Variants in GUCY1A2 observed in about 807,000 individuals in gnomAD.
The protein encoded by GUCY1A2 is guanylate cyclase 1 soluble subunit alpha 2.
A neutral mutation model predicts 63.5 loss-of-function variants in GUCY1A2; 27 were observed. The observed-to-expected ratio is 0.43, with a 90% CI of 0.31 to 0.59. GUCY1A2 has a LOEUF of 0.59. GUCY1A2 is among the 20% of genes least tolerant of loss of function. The probability of loss-of-function intolerance (pLI) is 0.11; values close to 1 mark genes in which losing one functional copy is unlikely to be tolerated. For missense variants in GUCY1A2, 768 were observed against 913.3 expected (o/e 0.84, Z 2.05); for synonymous variants, 364 against 343.5 (o/e 1.06, Z -0.66).
chr11:106,946,982 G>T (rs1453161120), intron 3 of GUCY1A2, among the ~76,000 whole-genome samples: 1 of 152,092 alleles, frequency 6.6e-6, no homozygotes, highest in Non-Finnish European at 1.5e-5. Flanking sequence ...ACTTTGGGAG[G>T]CCGAGGCGGG....
intron 4 of GUCY1A2, among the ~76,000 whole-genome samples, chr11:106,869,898 C>CAG (rs1859650606): frequency 6.6e-6 from 1 of 152,074 alleles, no homozygotes; most frequent in Non-Finnish European, 1.5e-5. Context: ...AAATGTGGTA[C>CAG]ATATACACCA....
At chr11:106,980,431 A>G (rs918705052) in intron 2 of GUCY1A2, among the ~76,000 whole-genome samples, 2 of 152,146 alleles carry the variant, frequency 1.3e-5, no homozygotes, top group Non-Finnish European at 2.9e-5. Flanking sequence ...GAAATTTTCC[A>G]TTTTCCATTT....
At chr11:106,857,668 C>A (rs1228169767) in intron 4 of GUCY1A2, among the ~76,000 whole-genome samples, 2 of 152,172 alleles carry the variant, frequency 1.3e-5, no homozygotes, top group Non-Finnish European at 2.9e-5. Context: ...TGGATTCAAC[C>A]AATTGTGAAT....
At chr11:106,929,254 G>A (rs1233100729) in intron 4 of GUCY1A2, among the ~76,000 whole-genome samples, 5 of 152,106 alleles carry the variant, frequency 3.3e-5, no homozygotes, top group Non-Finnish European at 7.4e-5. Flanking sequence ...TTTAAAGGCA[G>A]CTTTTATTAT....
chr11:106,805,529 AGCCACCGTGCCTG>A (rs1239726182), intron 5 of GUCY1A2, among the ~76,000 whole-genome samples: 1 of 152,278 alleles, frequency 6.6e-6, no homozygotes, highest in East Asian at 1.9e-4. Context: ...TACAGGCGTG[AGCCACCGTGCCTG>A]GCCATCACTA....
intron 5 of GUCY1A2, among the ~76,000 whole-genome samples, chr11:106,801,261 G>A (rs564306867): frequency 2.0e-5 from 3 of 152,132 alleles, no homozygotes; most frequent in African/African-American, 7.2e-5. Flanking sequence ...TACATTGAGG[G>A]CCTCATGTTT....
chr11:106,848,592 A>T (rs1859309784), intron 4 of GUCY1A2, among the ~76,000 whole-genome samples: 1 of 151,676 alleles, frequency 6.6e-6, no homozygotes, highest in Admixed American at 6.6e-5. Flanking sequence ...GAAGTGGTTG[A>T]CTAACTGGAG....
At chr11:106,926,161 T>C (rs998854344) in intron 4 of GUCY1A2, among the ~76,000 whole-genome samples, 10 of 152,200 alleles carry the variant, frequency 6.6e-5, no homozygotes, top group Non-Finnish European at 1.2e-4. Context: ...GGTTCACGTC[T>C]ATAATCATAG....
chr11:106,992,786 A>G (rs1002022015), intron 1 of GUCY1A2, among the ~76,000 whole-genome samples: 1 of 152,188 alleles, frequency 6.6e-6, no homozygotes, highest in Non-Finnish European at 1.5e-5. Context: ...AAAACCTATA[A>G]GCAAAATCAG....
At chr11:107,007,923 A>ACC (rs958308417) in intron 1 of GUCY1A2, among the ~76,000 whole-genome samples, 7 of 147,828 alleles carry the variant, frequency 4.7e-5, no homozygotes, top group African/African-American at 1.7e-4. Flanking sequence ...TAATATAGAC[A>ACC]CCCTTGTAAG....
At chr11:106,904,026 G>A (rs1860170518) in intron 4 of GUCY1A2, among the ~76,000 whole-genome samples, 1 of 152,068 alleles carries the variant, frequency 6.6e-6, no homozygotes, top group Admixed American at 6.6e-5. Flanking sequence ...TAAACAGAAA[G>A]CCATCAAATT....
At chr11:106,878,542 T>C (rs542760745) in intron 4 of GUCY1A2, among the ~76,000 whole-genome samples, 198 of 152,004 alleles carry the variant, frequency 1.3e-3, no homozygotes, top group African/African-American at 4.7e-3. Flanking sequence ...AATCAAATAC[T>C]GCATGTTCTC....
chr11:106,872,648 C>A (rs571381304), intron 4 of GUCY1A2, among the ~76,000 whole-genome samples: 1 of 152,262 alleles, frequency 6.6e-6, no homozygotes, highest in Non-Finnish European at 1.5e-5. Flanking sequence ...AAAAAGCCGG[C>A]AATTAGCAGT....
At chr11:106,690,791 G>A (rs1862609805) in intron 7 of GUCY1A2, among the ~76,000 whole-genome samples, 1 of 152,126 alleles carries the variant, frequency 6.6e-6, no homozygotes, top group Non-Finnish European at 1.5e-5. Context: ...CCAGGAAACA[G>A]CAAGACAGTA....
At chr11:106,723,975 G>A (rs1863361362) in intron 6 of GUCY1A2, among the ~76,000 whole-genome samples, 1 of 152,182 alleles carries the variant, frequency 6.6e-6, no homozygotes, top group Non-Finnish European at 1.5e-5. Context: ...ATGAATTTAA[G>A]TAAATAATAA....
In GUCY1A2 at chr11:106,759,274, G is replaced by A. The variant is rs1035041984; in HGVS notation, c.1836+17165C>T. Among the ~76,000 whole-genome samples the A allele has an allele frequency of 2.0e-5, 3 of 151,974 alleles. No homozygotes were observed. In the East Asian group the frequency reaches 5.8e-4, roughly 29 times the overall value. ...AGTTCAAAACATATGCATTCTTAAT[G>A]GGTATTTTATTACCATGATTATGTA... On this transcript the variant is annotated intron_variant, in intron 6 of 7. Coordinates refer to ENST00000526355, the MANE Select transcript of GUCY1A2 (RefSeq NM_000855.3).
chr11:106,903,564 A>C (rs533713113), intron 4 of GUCY1A2, among the ~76,000 whole-genome samples: 50 of 152,296 alleles, frequency 3.3e-4, no homozygotes, highest in Admixed American at 5.2e-4. Context: ...CATTCAAACG[A>C]AAGCTGGGGT....
chr11:106,754,485 T>C (rs1863938162), intron 6 of GUCY1A2, among the ~76,000 whole-genome samples: 1 of 152,196 alleles, frequency 6.6e-6, no homozygotes, highest in African/African-American at 2.4e-5. Context: ...TGATATTGGC[T>C]GTGGGTCTGT....
intron 4 of GUCY1A2, among the ~76,000 whole-genome samples, chr11:106,896,449 A>G (rs1029226516): frequency 6.6e-6 from 1 of 152,206 alleles, no homozygotes; most frequent in African/African-American, 2.4e-5. Context: ...ATTGTACTGA[A>G]GTCCTAGCTA....
Sources: gnomAD v4.1 joint callset for allele counts (sites outside exome capture counted in the v4.1 genomes callset) on GRCh38, gnomAD v4.1.1 for gene constraint, MANE v1.5 for transcripts, NCBI Gene and HGNC (gene_info 2026-07-23, HGNC 2026-07-21) for gene names.